The following FHIT variants were observed in gnomAD, a reference collection of about 807,000 sequenced individuals.
FHIT encodes bis(5'-adenosyl)-triphosphatase.
FHIT carries 19 observed loss-of-function variants against 17.9 expected under a neutral mutation model. That is an observed-to-expected ratio of 1.06 (90% CI 0.74 to 1.56). FHIT has a LOEUF of 1.56. Ranked by LOEUF, FHIT falls within the 40% of genes most tolerant of loss-of-function variation. The probability of loss-of-function intolerance (pLI) is 0.00; values close to 1 mark genes in which losing one functional copy is unlikely to be tolerated. For missense variants in FHIT, 248 were observed against 189.2 expected (o/e 1.31, Z -1.82); for synonymous variants, 81 against 69.7 (o/e 1.16, Z -0.81).
At chr3:60,395,432 G>A (rs1263212785) in intron 5 of FHIT, among the ~76,000 whole-genome samples, 1 of 152,120 alleles carries the variant, frequency 6.6e-6, no homozygotes, top group Admixed American at 6.6e-5. Flanking sequence ...TTAAAAAGTG[G>A]AATCCATAGC....
At chr3:60,655,300 G>A (rs782531839) in intron 4 of FHIT, among the ~76,000 whole-genome samples, 1 of 152,200 alleles carries the variant, frequency 6.6e-6, no homozygotes, top group East Asian at 1.9e-4. Context: ...TTTTAACTAC[G>A]TGCTTATTTT....
At chr3:59,903,981 C>T (rs1704457680) in intron 8 of FHIT, among the ~76,000 whole-genome samples, 1 of 151,976 alleles carries the variant, frequency 6.6e-6, no homozygotes, top group African/African-American at 2.4e-5. Context: ...AAATCAGAAC[C>T]CAGGAAGTAT....
At chr3:60,543,497 A>G (rs1270886018) in intron 4 of FHIT, among the ~76,000 whole-genome samples, 1 of 152,228 alleles carries the variant, frequency 6.6e-6, no homozygotes, top group Non-Finnish European at 1.5e-5. Context: ...CTTTAATACC[A>G]TAATAAAACT....
chr3:60,603,838 G>C (rs1261257266), intron 4 of FHIT, among the ~76,000 whole-genome samples: 3 of 152,102 alleles, frequency 2.0e-5, no homozygotes, highest in African/African-American at 7.2e-5. Flanking sequence ...TTTGTAAATA[G>C]ATCTCTGGCT....
intron 8 of FHIT, among the ~76,000 whole-genome samples, chr3:59,919,518 T>A (rs1705301162): frequency 6.6e-6 from 1 of 152,198 alleles, no homozygotes; most frequent in South Asian, 2.1e-4. Flanking sequence ...CCACCATCAA[T>A]TAGTCTCCAA....
intron 5 of FHIT, among the ~76,000 whole-genome samples, chr3:60,153,127 C>T (rs909314483): frequency 1.3e-5 from 2 of 152,170 alleles, no homozygotes; most frequent in Non-Finnish European, 2.9e-5. Context: ...ATTTACCAAG[C>T]ACCTTTATTT....
intron 5 of FHIT, among the ~76,000 whole-genome samples, chr3:60,057,656 T>C (rs1429757832): frequency 2.0e-5 from 3 of 151,736 alleles, no homozygotes; most frequent in Non-Finnish European, 4.4e-5. Flanking sequence ...TTGTTTTAAC[T>C]GAGTTCCTTC....
chr3:60,130,756 G>GTCTGTGTT (rs879697198), intron 5 of FHIT, among the ~76,000 whole-genome samples: 58 of 23,548 alleles, frequency 2.5e-3, no homozygotes, highest in South Asian at 7.3e-3. Flanking sequence ...GTGTGTGTGT[G>GTCTGTGTT]TGTGTGTGTT....
chr3:60,955,623 T>TATATAC (rs1709107155), intron 3 of FHIT, among the ~76,000 whole-genome samples: 5 of 15,514 alleles, frequency 3.2e-4, no homozygotes, highest in South Asian at 4.4e-3. Context: ...TATATATATA[T>TATATAC]ATATATATAT....
chr3:60,914,719 G>A (rs1211543969), intron 3 of FHIT, among the ~76,000 whole-genome samples: 1 of 152,130 alleles, frequency 6.6e-6, no homozygotes, highest in Non-Finnish European at 1.5e-5. Context: ...TAAGCTATTT[G>A]TGGAATCCCC....
At chr3:60,174,687 C>G (rs1181041544) in intron 5 of FHIT, among the ~76,000 whole-genome samples, 1 of 149,626 alleles carries the variant, frequency 6.7e-6, no homozygotes, top group Non-Finnish European at 1.5e-5. Context: ...TAAAATTAAC[C>G]ATTTAAAATA....
chr3:60,019,232 C>A (rs549228077), intron 5 of FHIT, among the ~76,000 whole-genome samples: 2 of 152,048 alleles, frequency 1.3e-5, no homozygotes, highest in African/African-American at 4.8e-5. Flanking sequence ...AAGAAAATCA[C>A]AAGCCAACCC....
At position 59,768,890 on chromosome 3, in the gene FHIT, CA is replaced by C. The variant is rs1321389594; in HGVS notation, c.349-16570del. ...AATAAGATTTCTCTGTGGCCTTCGC[CA>C]ATCTTAAAATGTAACTATATTTACT... On this transcript the variant is annotated intron_variant, in intron 8 of 9. Transcript: ENST00000492590. Among the ~76,000 whole-genome samples, 15 of 151,686 alleles carry C rather than the reference CA, an allele frequency of 9.9e-5. 1 individual carries two copies. The highest frequency in any genetic ancestry group is 2.2e-4 in the Non-Finnish European group (15 of 68,022).
At chr3:60,417,049 A>G (rs1157920763) in intron 5 of FHIT, among the ~76,000 whole-genome samples, 1 of 151,318 alleles carries the variant, frequency 6.6e-6, no homozygotes, top group African/African-American at 2.4e-5. Context: ...AGATCGCACC[A>G]CTGCACTCCA....
intron 4 of FHIT, among the ~76,000 whole-genome samples, chr3:60,548,415 G>A (rs1310063151): frequency 6.6e-6 from 1 of 152,036 alleles, no homozygotes; most frequent in East Asian, 1.9e-4. Context: ...TTGAGAGCAT[G>A]AGGGCCTTCA....
chr3:59,848,393 T>C (rs539388673), intron 8 of FHIT, among the ~76,000 whole-genome samples: 1 of 152,264 alleles, frequency 6.6e-6, no homozygotes, highest in Admixed American at 6.5e-5. Context: ...TCCCATCAAT[T>C]ATATTTTAAT....
At chr3:60,430,510 T>C (rs1326283589) in intron 5 of FHIT, among the ~76,000 whole-genome samples, 1 of 151,892 alleles carries the variant, frequency 6.6e-6, no homozygotes, top group African/African-American at 2.4e-5. Context: ...AGGGCAATAT[T>C]TTTTTTTCTG....
At chr3:60,131,260 C>T (rs1473263442) in intron 5 of FHIT, among the ~76,000 whole-genome samples, 1 of 151,868 alleles carries the variant, frequency 6.6e-6, no homozygotes, top group Non-Finnish European at 1.5e-5. Flanking sequence ...CTTATAATAC[C>T]TAACACAATG....
intron 8 of FHIT, among the ~76,000 whole-genome samples, chr3:59,772,836 G>T (rs575329261): frequency 6.6e-6 from 1 of 152,140 alleles, no homozygotes; most frequent in African/African-American, 2.4e-5. Flanking sequence ...CAGCCCTGTG[G>T]TGGTCAGCGA....
Sources: gnomAD v4.1 joint callset for allele counts (sites outside exome capture counted in the v4.1 genomes callset) on GRCh38, gnomAD v4.1.1 for gene constraint, MANE v1.5 for transcripts, NCBI Gene and HGNC (gene_info 2026-07-23, HGNC 2026-07-21) for gene names.